The following EHD2 variants were observed in gnomAD, a reference collection of about 807,000 sequenced individuals.
EHD2 encodes EH domain-containing protein 2.
In EHD2, 27 loss-of-function variants were observed where a neutral mutation model predicts 41.0. The observed-to-expected ratio is 0.66, with a 90% CI of 0.49 to 0.91. The LOEUF (loss-of-function observed/expected upper bound fraction) is 0.91. EHD2 is among the 40% of genes least tolerant of loss of function. EHD2 has a pLI of 0.00. For missense variants in EHD2, 673 were observed against 773.9 expected, an observed-to-expected ratio of 0.87 and a Z score of 1.55; for synonymous variants, 342 against 341.0, an observed-to-expected ratio of 1.00 and a Z score of -0.03.
chr19:47,717,837 G>A (rs1973645729), intron 2 of EHD2, among the ~76,000 whole-genome samples: 1 of 150,698 alleles, frequency 6.6e-6, no homozygotes. Flanking sequence ...AAACCTGGGA[G>A]GCGGAGGTTG....
chr19:47,718,529 C>T lies in EHD2; in HGVS notation c.425C>T (p.Pro142Leu). ...FLNRFMCAQL[P>L]NQVLESISII... ...CCCAGGTTCATGTGTGCCCAGCTCC[C>T]TAATCAGGTCCTGGAGAGCATCAGC... Residue 142 changes from proline (P) to leucine (L), a missense_variant, in exon 3 of 6, where the codon CCT becomes CTT. Pro to Leu is a moderately conservative substitution (Grantham distance 98). Transcript: ENST00000263277. 2 of 1,585,332 alleles carry T rather than the reference C, an allele frequency of 1.3e-6. No homozygotes were observed. Among genetic ancestry groups the T allele is most frequent in the Non-Finnish European group, 1.7e-6 (2 of 1,165,342 alleles).
intron 3 of EHD2, among the ~76,000 whole-genome samples, chr19:47,720,013 T>G (rs1187541066): frequency 6.6e-6 from 1 of 151,122 alleles, no homozygotes; most frequent in Non-Finnish European, 1.5e-5. Context: ...ATGAGTGTAC[T>G]CCTGGGTGTG....
chr19:47,720,124 T>C (rs976621894), intron 3 of EHD2, among the ~76,000 whole-genome samples: 1 of 151,910 alleles, frequency 6.6e-6, no homozygotes, highest in Admixed American at 6.6e-5. Context: ...TGTGTGTGTG[T>C]GTGTGTGTGC....
intron 4 of EHD2, chr19:47,731,216 GA>G (rs1197190988): frequency 7.0e-6 from 1 of 141,894 alleles, no homozygotes; most frequent in East Asian, 2.1e-4. Context: ...TGAAGATTTA[GA>G]ACCAGTCAGG....
Position 47,737,656 on chromosome 19 carries a change from CAATA to C in EHD2, c.1080+1138_1080+1141del, listed in dbSNP as rs1022931607. On this transcript the variant is annotated intron_variant, in intron 5 of 5. Transcript: ENST00000263277. ...TGTGTGACCGAGTAAGATTCTGTCT[CAATA>C]AATAAATAAATAAAATAAAATATAT... Among the ~76,000 whole-genome samples the C allele has an allele frequency of 5.3e-5, 8 of 151,502 alleles. No individual in the cohort carries two copies. The South Asian group carries it at 1.5e-3, about 28-fold the overall frequency.
Position 47,716,757 on chromosome 19 carries a change from G to T in EHD2, c.145G>T (p.Ala49Ser). ...CCGCTTTGGGGCCTTCCACTCGCCG[G>T]CCCTGGAGGACGCAGACTTCGACGG... The part of the protein sequence containing the change: ...HYRFGAFHSP[A>S]LEDADFDGKP... The change falls in exon 2 of 6, where the codon GCC becomes TCC. Residue 49 changes from alanine (A) to serine (S), a missense_variant. Transcript: ENST00000263277. 1 of 1,613,382 alleles carries T rather than the reference G, an allele frequency of 6.2e-7. No homozygotes were observed. The highest frequency in any genetic ancestry group is 8.5e-7 in the Non-Finnish European group (1 of 1,179,756).
chr19:47,722,350 G>T (rs1218397274), intron 3 of EHD2, among the ~76,000 whole-genome samples: 2 of 152,118 alleles, frequency 1.3e-5, no homozygotes, highest in Non-Finnish European at 2.9e-5. Flanking sequence ...GAGGGAGGGG[G>T]GGCTCCAGTT....
Position 47,741,500 on chromosome 19 carries a change from C to A in EHD2, c.*68C>A. On this transcript the variant is annotated 3_prime_UTR_variant, in exon 6 of 6. Coordinates refer to ENST00000263277, the MANE Select transcript of EHD2 (RefSeq NM_014601.4). The surrounding 1 kb of genome is among the most constrained non-coding windows in gnomAD (Gnocchi z 4.5). ...AGTCGGCTGCACGCACACCCCTGCT[C>A]CGGCTCACACACGCCCTGCCTGCCC... 1.3e-6 allele frequency: 2 copies of A among 1,485,708 alleles called. No individual in the cohort carries two copies. Among genetic ancestry groups the A allele is most frequent in the South Asian group, 1.2e-5 (1 of 81,100 alleles). 92.0% of individuals were successfully genotyped at this position (1,485,708 alleles called of 1,614,324 possible). A position where few individuals can be genotyped will look rare whatever the true frequency, so the allele number is the denominator to read the frequency against.
At chr19:47,731,850 T>TGC (rs1333582249) in intron 4 of EHD2, among the ~76,000 whole-genome samples, 8 of 144,540 alleles carry the variant, frequency 5.5e-5, no homozygotes, top group Non-Finnish European at 1.0e-4. Flanking sequence ...TGCAGTGGCA[T>TGC]GATCTCGGCT....
chr19:47,729,529 G>C (rs569988466), intron 4 of EHD2: 73 of 152,848 alleles, frequency 4.8e-4, no homozygotes, highest in Non-Finnish European at 9.5e-4. Flanking sequence ...GGAGAGCGCG[G>C]GTTTCAGAGC....
At chr19:47,728,915 G>A (rs113258920) in intron 4 of EHD2, among the ~76,000 whole-genome samples, 3 of 150,968 alleles carry the variant, frequency 2.0e-5, no homozygotes, top group African/African-American at 7.3e-5. Flanking sequence ...CCCAGTGCCC[G>A]GAACAGAATT....
intron 5 of EHD2, among the ~76,000 whole-genome samples, chr19:47,739,738 CA>C (rs1966965516): frequency 6.6e-6 from 1 of 151,446 alleles, no homozygotes; most frequent in East Asian, 1.9e-4. Context: ...GTGAGCCACC[CA>C]AGCCTGCTGA....
chr19:47,739,359 G>C (rs1966960659), intron 5 of EHD2, among the ~76,000 whole-genome samples: 1 of 147,694 alleles, frequency 6.8e-6, no homozygotes, highest in Non-Finnish European at 1.5e-5. Flanking sequence ...CCAGCACTTT[G>C]GGAGGCCGAG....
Position 47,741,595 on chromosome 19 carries a change from A to G in EHD2, c.*163A>G. On this transcript the variant is annotated 3_prime_UTR_variant, in exon 6 of 6. Coordinates refer to ENST00000263277, the MANE Select transcript of EHD2 (RefSeq NM_014601.4). This position sits in a 1 kb window ranked among gnomAD's most constrained non-coding sequence, Gnocchi z 4.5. Reference sequence around the variant, plus strand: ...GCCAGACACCCCGGTGGAAGCATTTAGAGGGGACCACGGGAGGGACAAGGC... The same window carrying G: ...GCCAGACACCCCGGTGGAAGCATTTGGAGGGGACCACGGGAGGGACAAGGC... The G allele has an allele frequency of 1.2e-6, 1 of 803,176 alleles. No individual in the cohort carries two copies. Among genetic ancestry groups the G allele is most frequent in the East Asian group, 2.7e-5 (1 of 37,462 alleles). The allele number at this position is 803,176 out of a possible 1,614,324, so 49.8% of individuals were successfully genotyped here.
At chr19:47,731,762 G>T (rs901527215) in intron 4 of EHD2, among the ~76,000 whole-genome samples, 2 of 149,222 alleles carry the variant, frequency 1.3e-5, no homozygotes, top group Non-Finnish European at 3.0e-5. Context: ...GTAGTTTCTT[G>T]TGTGTCTTTC....
intron 4 of EHD2, among the ~76,000 whole-genome samples, chr19:47,730,220 G>A (rs1421766635): frequency 6.6e-6 from 1 of 151,678 alleles, no homozygotes; most frequent in African/African-American, 2.4e-5. Context: ...TTCCTCTCTG[G>A]AAAAGCCATC....
intron 3 of EHD2, among the ~76,000 whole-genome samples, chr19:47,722,569 C>CTT (rs34332497): frequency 0.072 from 10,439 of 145,502 alleles, 464 homozygotes; most frequent in Non-Finnish European, 0.099. Flanking sequence ...ACTTCTCTCT[C>CTT]TTTTTTTTTT....
At chr19:47,730,373 C>A (rs532806320) in intron 4 of EHD2, among the ~76,000 whole-genome samples, 1 of 151,984 alleles carries the variant, frequency 6.6e-6, no homozygotes, top group African/African-American at 2.4e-5. Context: ...CCATTAGGCA[C>A]TCCCTCCCCC....
At chr19:47,739,555 C>T (rs1249318456) in intron 5 of EHD2, among the ~76,000 whole-genome samples, 5 of 142,316 alleles carry the variant, frequency 3.5e-5, no homozygotes, top group Non-Finnish European at 7.5e-5. Context: ...GAGCTGAGAT[C>T]GCGCCATTGC....
Sources: gnomAD v4.1 joint callset for allele counts (sites outside exome capture counted in the v4.1 genomes callset) on GRCh38, gnomAD v4.1.1 for gene constraint, Gnocchi (gnomAD v3.1) non-coding constraint, MANE v1.5 for transcripts, NCBI Gene and HGNC (gene_info 2026-07-23, HGNC 2026-07-21) for gene names.